PRKG1: variants seen among roughly 807,000 people sequenced by gnomAD.
The protein encoded by PRKG1 is cGMP-dependent protein kinase 1.
Under a neutral mutation model 88.1 loss-of-function variants are expected in PRKG1, and 35 were observed. The ratio of observed to expected loss-of-function variants is 0.40; its 90% CI spans 0.30 to 0.53. The LOEUF is 0.53. PRKG1 is among the 20% of genes least tolerant of loss of function. The pLI is 0.59. For synonymous variants in PRKG1, 303 were observed against 292.5 expected (o/e 1.04, Z -0.37); for missense variants, 540 against 839.8 (o/e 0.64, Z 4.41).
chr10:52,054,439 CT>C (rs752541589), intron 5 of PRKG1, 44 bp from the exon 6 acceptor site: 2 of 1,468,698 alleles, frequency 1.4e-6, no homozygotes, highest in South Asian at 2.3e-5. Context: ...TGTTTGGTAA[CT>C]TACTGCTTGC....
chr10:51,530,604 A>C (rs1271804078), intron 3 of PRKG1, among the ~76,000 whole-genome samples: 1 of 152,310 alleles, frequency 6.6e-6, no homozygotes, highest in South Asian at 2.1e-4. Flanking sequence ...CATGGTCACC[A>C]ATGCCTTTTG....
chr10:51,431,208 G>A (rs562928267), intron 2 of PRKG1, among the ~76,000 whole-genome samples: 1 of 152,300 alleles, frequency 6.6e-6, no homozygotes, highest in African/African-American at 2.4e-5. Context: ...ATACCCATGG[G>A]ATTTTAATTT....
chr10:51,334,875 A>T (rs1841833992), intron 2 of PRKG1, among the ~76,000 whole-genome samples: 1 of 152,132 alleles, frequency 6.6e-6, no homozygotes, highest in Admixed American at 6.6e-5. Flanking sequence ...AATGTAGGAG[A>T]AGACTTTCAG....
chr10:51,519,371 A>G (rs1308076021), intron 3 of PRKG1, among the ~76,000 whole-genome samples: 1 of 152,154 alleles, frequency 6.6e-6, no homozygotes, highest in Admixed American at 6.5e-5. Flanking sequence ...AAATCATGCA[A>G]TTAGTAAATG....
At chr10:51,921,162 A>C (rs1842455459) in intron 5 of PRKG1, among the ~76,000 whole-genome samples, 1 of 152,050 alleles carries the variant, frequency 6.6e-6, no homozygotes, top group Non-Finnish European at 1.5e-5. Context: ...TTACTGTCTC[A>C]GTAGTTTTGC....
intron 7 of PRKG1, among the ~76,000 whole-genome samples, chr10:52,100,104 A>G (rs1056265570): frequency 1.3e-5 from 2 of 152,142 alleles, no homozygotes; most frequent in African/African-American, 4.8e-5. Flanking sequence ...ATGGACAGCA[A>G]TGAATTCAGT....
At chr10:51,505,365 T>G in intron 3 of PRKG1, among the ~76,000 whole-genome samples, 1 of 152,182 alleles carries the variant, frequency 6.6e-6, no homozygotes, top group Non-Finnish European at 1.5e-5. Context: ...CTGCTGGATT[T>G]GGTTTGCCAA....
chr10:51,269,505 A>G (rs1403699858), intron 2 of PRKG1, among the ~76,000 whole-genome samples: 5 of 152,222 alleles, frequency 3.3e-5, no homozygotes, highest in African/African-American at 1.2e-4. Flanking sequence ...AAAATATATT[A>G]TGTATACAAC....
chr10:51,274,598 T>C (rs1286882624), intron 2 of PRKG1, among the ~76,000 whole-genome samples: 1 of 152,190 alleles, frequency 6.6e-6, no homozygotes, highest in Non-Finnish European at 1.5e-5. Flanking sequence ...AAAATGACCG[T>C]GCTCAACACT....
intron 3 of PRKG1, among the ~76,000 whole-genome samples, chr10:51,746,914 G>A (rs1360913322): frequency 6.6e-6 from 1 of 152,102 alleles, no homozygotes; most frequent in Non-Finnish European, 1.5e-5. Context: ...ACGCTTTGCT[G>A]TTTAATCCTC....
intron 6 of PRKG1, among the ~76,000 whole-genome samples, chr10:52,057,490 A>C (rs1353841963): frequency 6.6e-6 from 1 of 152,212 alleles, no homozygotes; most frequent in Non-Finnish European, 1.5e-5. Context: ...AGATTCCTGC[A>C]TATGTCCCTG....
chr10:51,483,062 G>A (rs1217511928), intron 3 of PRKG1, among the ~76,000 whole-genome samples: 1 of 140,340 alleles, frequency 7.1e-6, no homozygotes, highest in African/African-American at 2.7e-5. Context: ...GCCCAGGCTG[G>A]AATGCAGTGA....
intron 1 of PRKG1, among the ~76,000 whole-genome samples, chr10:50,997,610 C>T (rs2132711707): frequency 6.6e-6 from 1 of 152,176 alleles, no homozygotes. Context: ...TTTCATTTGC[C>T]ATTGAGAATC....
At chr10:51,670,206 A>G (rs1368218989) in intron 3 of PRKG1, among the ~76,000 whole-genome samples, 2 of 151,876 alleles carry the variant, frequency 1.3e-5, no homozygotes, top group African/African-American at 2.4e-5. Flanking sequence ...TGGTTGGCCT[A>G]TATTTTTTAT....
At chr10:51,280,548 T>C (rs1406164427) in intron 2 of PRKG1, among the ~76,000 whole-genome samples, 1 of 152,228 alleles carries the variant, frequency 6.6e-6, no homozygotes. Flanking sequence ...GTCCCATATT[T>C]CTTGGAGGCT....
chr10:51,418,294 A>T (rs1838300974), intron 2 of PRKG1, among the ~76,000 whole-genome samples: 1 of 152,166 alleles, frequency 6.6e-6, no homozygotes, highest in Non-Finnish European at 1.5e-5. Flanking sequence ...CTAAAGAGGG[A>T]GCGTCATCTT....
rs141971978 is a variant in PRKG1, at chr10:51,780,585, G to A, written c.593-24000G>A. 6.2e-3 allele frequency among the ~76,000 whole-genome samples: 946 copies of A among 152,160 alleles called. 4 individuals are homozygous for A. Among genetic ancestry groups the A allele is most frequent in the Middle Eastern group, 0.034 (10 of 294 alleles). On this transcript the variant is annotated intron_variant, in intron 3 of 17. Coordinates refer to ENST00000373980, the MANE Select transcript of PRKG1 (RefSeq NM_006258.4). ...ACTTGTAATTCTTATTTATAAAATC[G>A]TAAGTAACTTTTAATCATTTCTGGA...
At chr10:52,203,672 T>A (rs1839734815) in intron 9 of PRKG1, among the ~76,000 whole-genome samples, 1 of 152,246 alleles carries the variant, frequency 6.6e-6, no homozygotes, top group African/African-American at 2.4e-5. Context: ...CTCTAAGAAC[T>A]TGTTTTATGA....
At chr10:51,576,492 G>C (rs888643721) in intron 3 of PRKG1, among the ~76,000 whole-genome samples, 2 of 151,922 alleles carry the variant, frequency 1.3e-5, no homozygotes, top group Admixed American at 6.6e-5. Flanking sequence ...TTCACAAATA[G>C]AGAGGTATAG....
Sources: gnomAD v4.1 joint callset for allele counts (sites outside exome capture counted in the v4.1 genomes callset) on GRCh38, gnomAD v4.1.1 for gene constraint, MANE v1.5 for transcripts, NCBI Gene and HGNC (gene_info 2026-07-23, HGNC 2026-07-21) for gene names.